GFOD1: variants seen among roughly 807,000 people sequenced by gnomAD.
GFOD1 encodes the protein glucose-fructose oxidoreductase domain-containing protein 1.
Under a neutral mutation model 25.4 loss-of-function variants are expected in GFOD1, and 9 were observed. The observed-to-expected ratio is 0.35, with a 90% confidence interval of 0.21 to 0.62. The LOEUF (loss-of-function observed/expected upper bound fraction) is 0.62. Among genes scored for constraint, GFOD1 ranks in the 20% least tolerant of loss-of-function variants. The pLI is 0.72. For synonymous variants in GFOD1, 253 were observed against 245.6 expected (o/e 1.03, Z -0.28); for missense variants, 403 against 556.9 (o/e 0.72, Z 2.78).
chr6:13,358,338 A>G lies in GFOD1; in HGVS notation c.*6405T>C, dbSNP rs993013546. ...GTTTTATACATATACATACATATAT[A>G]CTCATGTTTGTAAAACACAATAAAT... On this transcript the variant is annotated 3_prime_UTR_variant, in exon 2 of 2. Coordinates refer to ENST00000379287, the MANE Select transcript of GFOD1 (RefSeq NM_018988.4). The G allele has an allele frequency of 5.3e-5, 8 of 152,140 alleles. No homozygotes were observed. The highest frequency in any genetic ancestry group is 1.7e-4 in the African/African-American group (7 of 41,420). The allele number at this position is 152,140 out of a possible 1,614,324, so 9.4% of individuals were successfully genotyped here.
chr6:13,448,601 G>A (rs966107566), intron 1 of GFOD1, among the ~76,000 whole-genome samples: 1 of 152,184 alleles, frequency 6.6e-6, no homozygotes, highest in African/African-American at 2.4e-5. Context: ...GAAAATGGAA[G>A]TTTCCAAATG....
At chr6:13,397,993 A>G (rs1458104290) in intron 1 of GFOD1, among the ~76,000 whole-genome samples, 3 of 152,196 alleles carry the variant, frequency 2.0e-5, no homozygotes, top group Non-Finnish European at 2.9e-5. Flanking sequence ...CTTAACTGCT[A>G]TTGCAGAAGG....
intron 1 of GFOD1, among the ~76,000 whole-genome samples, chr6:13,413,816 C>T (rs550725324): frequency 3.3e-5 from 5 of 152,154 alleles, no homozygotes; most frequent in East Asian, 1.9e-4. Flanking sequence ...ACCAAGCAAA[C>T]GAGGTTCAAT....
intron 1 of GFOD1, among the ~76,000 whole-genome samples, chr6:13,390,456 T>C (rs989490143): frequency 1.2e-4 from 19 of 152,096 alleles, no homozygotes; most frequent in East Asian, 3.9e-4. Flanking sequence ...CCGGGTGCTG[T>C]GGCATGCACC....
intron 1 of GFOD1, among the ~76,000 whole-genome samples, chr6:13,446,825 T>C (rs1758011003): frequency 6.6e-6 from 1 of 152,160 alleles, no homozygotes; most frequent in African/African-American, 2.4e-5. Flanking sequence ...ATTTGAGCCT[T>C]TTCTCCTTTC....
intron 1 of GFOD1, chr6:13,486,101 G>T: frequency 1.0e-6 from 1 of 986,776 alleles, no homozygotes; most frequent in Non-Finnish European, 1.2e-6. Context: ...AACGACCCTA[G>T]CAGGGCGCCA....
chr6:13,403,509 T>A (rs1188533077), intron 1 of GFOD1, among the ~76,000 whole-genome samples: 1 of 152,238 alleles, frequency 6.6e-6, no homozygotes, highest in Non-Finnish European at 1.5e-5. Context: ...CTGTATAGCA[T>A]GTTATTGCAC....
intron 1 of GFOD1, among the ~76,000 whole-genome samples, chr6:13,393,368 C>CA (rs70989853): frequency 0.22 from 15,986 of 71,930 alleles, 1,263 homozygotes; most frequent in East Asian, 0.31. Flanking sequence ...AAACAACCAC[C>CA]AAAAAAAAAA....
At position 13,430,837 on chromosome 6, in the gene GFOD1, A is replaced by C. The variant is rs1757737032; in HGVS notation, c.253+55801T>G. Reference sequence around the variant, plus strand: ...ACTCCTCACCCTCTCTTTCTCCAGGACTCCCTCCCATCAGGATACCTACCT... The same window carrying C: ...ACTCCTCACCCTCTCTTTCTCCAGGCCTCCCTCCCATCAGGATACCTACCT... On this transcript the variant is annotated intron_variant, in intron 1 of 1. Coordinates refer to ENST00000379287, the MANE Select transcript of GFOD1 (RefSeq NM_018988.4). The surrounding 1 kb of genome is among the most constrained non-coding windows in gnomAD (Gnocchi z 4.1). Among the ~76,000 whole-genome samples the C allele has an allele frequency of 6.6e-6, 1 of 150,998 alleles. No individual in the cohort carries two copies. Among genetic ancestry groups the C allele is most frequent in the Non-Finnish European group, 1.5e-5 (1 of 67,770 alleles).
chr6:13,456,737 T>C (rs1247971001), intron 1 of GFOD1, among the ~76,000 whole-genome samples: 1 of 152,188 alleles, frequency 6.6e-6, no homozygotes, highest in East Asian at 1.9e-4. Context: ...GTGGGCGGCC[T>C]GCACGCTGCT....
At chr6:13,436,463 T>C (rs1374892652) in intron 1 of GFOD1, among the ~76,000 whole-genome samples, 1 of 152,260 alleles carries the variant, frequency 6.6e-6, no homozygotes, top group Admixed American at 6.5e-5. Context: ...ATTTCACATA[T>C]TAAGTTTTCA....
At chr6:13,438,205 A>T (rs1249487233) in intron 1 of GFOD1, among the ~76,000 whole-genome samples, 1 of 152,216 alleles carries the variant, frequency 6.6e-6, no homozygotes, top group Non-Finnish European at 1.5e-5. Context: ...TTTAGTATTG[A>T]TGAACCCAGC....
chr6:13,469,796 C>T (rs1335892782), intron 1 of GFOD1: 3 of 1,127,652 alleles, frequency 2.7e-6, no homozygotes, highest in Admixed American at 3.0e-5. Flanking sequence ...AGTGAAATTT[C>T]TCACTTGTAA....
chr6:13,428,600 G>C (rs1163562094), intron 1 of GFOD1, among the ~76,000 whole-genome samples: 3 of 152,196 alleles, frequency 2.0e-5, no homozygotes, highest in Non-Finnish European at 4.4e-5. Flanking sequence ...AAGGCTCAGG[G>C]CTTTAAATCA....
chr6:13,361,151 G>A lies in GFOD1; in HGVS notation c.*3592C>T, dbSNP rs1584601140. 3.2e-6 allele frequency: 1 copy of A among 316,706 alleles called. No homozygotes were observed. The highest frequency in any genetic ancestry group is 6.2e-6 in the Non-Finnish European group (1 of 160,606). 19.6% of individuals were successfully genotyped at this position (316,706 alleles called of 1,614,324 possible). ...CTACCCTAGAGTCCAGATATAACTG[G>A]CACAGTGGTATTTGCTGCCATGTAG... On this transcript the variant is annotated 3_prime_UTR_variant, in exon 2 of 2. Coordinates refer to ENST00000379287, the MANE Select transcript of GFOD1 (RefSeq NM_018988.4).
chr6:13,387,702 T>C (rs6926072), intron 1 of GFOD1, among the ~76,000 whole-genome samples: 8,407 of 152,220 alleles, frequency 0.055, 449 homozygotes, highest in African/African-American at 0.14. Flanking sequence ...CTTTGAAAAC[T>C]GGCACAAGAC....
chr6:13,432,240 T>G (rs1032763254), intron 1 of GFOD1, among the ~76,000 whole-genome samples: 3 of 151,786 alleles, frequency 2.0e-5, no homozygotes, highest in African/African-American at 7.3e-5. Flanking sequence ...TTTTTTTTTT[T>G]TTTGAGATGG....
chr6:13,432,223 C>T (rs1757761641), intron 1 of GFOD1, among the ~76,000 whole-genome samples: 2 of 150,226 alleles, frequency 1.3e-5, no homozygotes, highest in Non-Finnish European at 3.0e-5. Flanking sequence ...ATATTCTTTT[C>T]TTTTCTTTTT....
intron 1 of GFOD1, among the ~76,000 whole-genome samples, chr6:13,460,503 C>A (rs767074505): frequency 3.3e-5 from 5 of 152,188 alleles, no homozygotes; most frequent in Non-Finnish European, 7.3e-5. Context: ...AAGATCATGT[C>A]CTTTGCAGAA....
Sources: gnomAD v4.1 joint callset for allele counts (sites outside exome capture counted in the v4.1 genomes callset) on GRCh38, gnomAD v4.1.1 for gene constraint, Gnocchi (gnomAD v3.1) non-coding constraint, MANE v1.5 for transcripts, NCBI Gene and HGNC (gene_info 2026-07-23, HGNC 2026-07-21) for gene names.